TRMT11: variants seen among roughly 807,000 people sequenced by gnomAD.
TRMT11 encodes tRNA methyltransferase 11, also known as tRNA (guanine(10)-N(2))-methyltransferase TRMT11.
In TRMT11, 53 loss-of-function variants were observed where a neutral mutation model predicts 62.8. The observed-to-expected ratio is 0.84, with a 90% confidence interval of 0.68 to 1.06. The LOEUF (loss-of-function observed/expected upper bound fraction) is 1.06. TRMT11 is among the 50% of genes least tolerant of loss of function. TRMT11 has a pLI of 0.00. For missense variants in TRMT11, 556 were observed against 553.4 expected, an observed-to-expected ratio of 1.00 and a Z score of -0.05; for synonymous variants, 188 against 190.3, an observed-to-expected ratio of 0.99 and a Z score of 0.10.
chr6:126,008,406 G>T lies in TRMT11; in HGVS notation c.694G>T (p.Ala232Ser), dbSNP rs9491553. ...TGATTTTTCAGGTGGCCTGCTGATA[G>T]CATGTGCTCATTTTGGTGCATATGT... ...PFVGTGGLLI[A>S]CAHFGAYVYG... Residue 232 changes from alanine (A) to serine (S), a missense_variant, in exon 8 of 13, where the codon GCA becomes TCA. Physicochemically the swap from Ala to Ser is moderately conservative, Grantham distance 99 (BLOSUM62 1). Coordinates refer to ENST00000334379, the MANE Select transcript of TRMT11 (RefSeq NM_001031712.3). 1 of 1,612,942 alleles carries T rather than the reference G, an allele frequency of 6.2e-7. No individual in the cohort carries two copies. Among genetic ancestry groups the T allele is most frequent in the African/African-American group, 1.3e-5 (1 of 74,846 alleles).
intron 1 of TRMT11, among the ~76,000 whole-genome samples, chr6:125,988,345 A>G (rs1790012923): frequency 1.3e-5 from 2 of 152,206 alleles, no homozygotes; most frequent in African/African-American, 4.8e-5. Context: ...GTCCTTAGCT[A>G]GAGCATAAGG....
chr6:126,248,496 A>G, the TRMT11 span, among the ~76,000 whole-genome samples: 1 of 152,224 alleles, frequency 6.6e-6, no homozygotes, highest in African/African-American at 2.4e-5. Context: ...ATTGTAAAAG[A>G]TAACAAGAAA....
chr6:126,096,107 T>C (rs1777336834), intron 17 of TRMT11, among the ~76,000 whole-genome samples: 1 of 152,214 alleles, frequency 6.6e-6, no homozygotes, highest in African/African-American at 2.4e-5. Flanking sequence ...GAGAAGAGTT[T>C]GGTGTGTCCA....
At chr6:126,103,420 T>C (rs1003743704) in intron 17 of TRMT11, among the ~76,000 whole-genome samples, 1 of 152,226 alleles carries the variant, frequency 6.6e-6, no homozygotes, top group Non-Finnish European at 1.5e-5. Context: ...TCCACAGACA[T>C]AGTGGCTTAA....
At chr6:126,190,395 A>G (rs953312239) in intron 1 of TRMT11, among the ~76,000 whole-genome samples, 8 of 152,014 alleles carry the variant, frequency 5.3e-5, no homozygotes, top group Admixed American at 6.6e-5. Context: ...GGGGCACTTC[A>G]TTGTTCTTGC....
intron 17 of TRMT11, among the ~76,000 whole-genome samples, chr6:126,069,040 C>G (rs1386623679): frequency 6.6e-6 from 1 of 152,326 alleles, no homozygotes; most frequent in East Asian, 1.9e-4. Flanking sequence ...CACCTTGAAG[C>G]TGAGGAAATC....
chr6:126,110,676 G>A (rs182543226), intron 17 of TRMT11, among the ~76,000 whole-genome samples: 43 of 151,796 alleles, frequency 2.8e-4, no homozygotes, highest in Admixed American at 2.6e-3. Flanking sequence ...AAACATGTGC[G>A]TGTGTGTGTG....
intron 21 of TRMT11, among the ~76,000 whole-genome samples, chr6:126,160,019 G>A (rs770787729): frequency 1.2e-4 from 18 of 152,100 alleles, no homozygotes; most frequent in Non-Finnish European, 2.4e-4. Flanking sequence ...CTTACCTCGG[G>A]TGTTTTAACA....
the TRMT11 span, among the ~76,000 whole-genome samples, chr6:126,265,707 C>A: frequency 1.3e-5 from 2 of 152,120 alleles, no homozygotes; most frequent in African/African-American, 4.8e-5. Flanking sequence ...ATGGACCAGG[C>A]TTCCAATGAT....
intron 21 of TRMT11, among the ~76,000 whole-genome samples, chr6:126,143,906 A>G (rs1426152425): frequency 6.6e-6 from 1 of 152,154 alleles, no homozygotes; most frequent in Non-Finnish European, 1.5e-5. Context: ...CTGAATTGGA[A>G]CACACTGCTT....
chr6:126,021,076 T>A, intron 11 of TRMT11, 84 bp from the exon 12 acceptor site: 1 of 1,506,524 alleles, frequency 6.6e-7, no homozygotes, highest in Non-Finnish European at 9.1e-7. Flanking sequence ...TGGAAGAACA[T>A]CCCACACTAC....
intron 21 of TRMT11, among the ~76,000 whole-genome samples, chr6:126,120,823 C>T (rs565605906): frequency 3.7e-4 from 57 of 152,140 alleles, no homozygotes; most frequent in Admixed American, 2.5e-3. Context: ...TCTTTCAGCC[C>T]AAAGTTATAT....
intron 21 of TRMT11, among the ~76,000 whole-genome samples, chr6:126,159,728 C>G (rs1403469961): frequency 6.6e-6 from 1 of 152,112 alleles, no homozygotes; most frequent in Non-Finnish European, 1.5e-5. Flanking sequence ...ACTGTGGTCC[C>G]TCTGAAACCT....
At chr6:126,213,821 A>G in the TRMT11 span, among the ~76,000 whole-genome samples, 7 of 152,068 alleles carry the variant, frequency 4.6e-5, no homozygotes, top group African/African-American at 1.7e-4. Flanking sequence ...TCCTTGTCCT[A>G]TTCCAGATTT....
At chr6:126,059,812 C>T (rs1177927241) in intron 17 of TRMT11, among the ~76,000 whole-genome samples, 4 of 152,134 alleles carry the variant, frequency 2.6e-5, no homozygotes, top group Non-Finnish European at 5.9e-5. Flanking sequence ...AAGTACGTTT[C>T]TCTAGGATAA....
intron 12 of TRMT11, among the ~76,000 whole-genome samples, chr6:126,023,804 CTT>C (rs1421030941): frequency 6.6e-6 from 1 of 152,202 alleles, no homozygotes; most frequent in Non-Finnish European, 1.5e-5. Flanking sequence ...ACAAGAGTCT[CTT>C]GTGGTGTTCT....
intron 17 of TRMT11, among the ~76,000 whole-genome samples, chr6:126,075,128 A>G (rs1776981300): frequency 6.6e-6 from 1 of 152,108 alleles, no homozygotes; most frequent in South Asian, 2.1e-4. Context: ...AAAAACACAT[A>G]TTGTCTGCAA....
At chr6:126,153,638 AT>A (rs948140477) in intron 21 of TRMT11, among the ~76,000 whole-genome samples, 1 of 152,206 alleles carries the variant, frequency 6.6e-6, no homozygotes, top group Non-Finnish European at 1.5e-5. Flanking sequence ...AGCTGGGTTA[AT>A]CTCTTAGTTG....
the TRMT11 span, among the ~76,000 whole-genome samples, chr6:126,228,376 A>T: frequency 6.6e-6 from 1 of 152,166 alleles, no homozygotes; most frequent in Non-Finnish European, 1.5e-5. Context: ...CGTGTTAATA[A>T]AAGTTCCTGA....
Sources: gnomAD v4.1 joint callset for allele counts (sites outside exome capture counted in the v4.1 genomes callset) on GRCh38, gnomAD v4.1.1 for gene constraint, MANE v1.5 for transcripts, NCBI Gene and HGNC (gene_info 2026-07-23, HGNC 2026-07-21) for gene names.